Variants in SYT2 observed in about 807,000 individuals in gnomAD.
SYT2 encodes synaptotagmin 2.
In SYT2, 15 loss-of-function variants were observed where a neutral mutation model predicts 39.9. The observed-to-expected ratio is 0.38, with a 90% CI of 0.25 to 0.58. The LOEUF is 0.58. Among genes scored for constraint, SYT2 ranks in the 20% least tolerant of loss-of-function variants. The pLI is 0.70. For missense variants in SYT2, 389 were observed against 530.3 expected, an observed-to-expected ratio of 0.73 and a Z score of 2.62; for synonymous variants, 181 against 204.5, an observed-to-expected ratio of 0.89 and a Z score of 0.98.
intron 4 of SYT2, among the ~76,000 whole-genome samples, 194 bp downstream of exon 4, chr1:202,602,805 C>G (rs1690558366): frequency 6.6e-6 from 1 of 152,154 alleles, no homozygotes. Flanking sequence ...AACTTGGAAC[C>G]TTCCCCAAAG....
At chr1:202,670,709 T>C (rs2149109067) in intron 1 of SYT2, among the ~76,000 whole-genome samples, 1 of 152,320 alleles carries the variant, frequency 6.6e-6, no homozygotes, top group African/African-American at 2.4e-5. Flanking sequence ...CTTAGGCCTC[T>C]CCACACCTAA....
At chr1:202,630,100 T>C (rs1000814389) in intron 1 of SYT2, among the ~76,000 whole-genome samples, 2 of 151,950 alleles carry the variant, frequency 1.3e-5, no homozygotes, top group African/African-American at 4.8e-5. Context: ...TCCATGGCAA[T>C]AGAGCAGTTA....
At chr1:202,706,838 G>A (rs1654265227) in intron 1 of SYT2, among the ~76,000 whole-genome samples, 1 of 152,298 alleles carries the variant, frequency 6.6e-6, no homozygotes, top group Non-Finnish European at 1.5e-5. Context: ...CTGTCTGGTG[G>A]TCCAGGGGCT....
chr1:202,697,386 G>A (rs1653999241), intron 1 of SYT2, among the ~76,000 whole-genome samples: 1 of 152,256 alleles, frequency 6.6e-6, no homozygotes, highest in Admixed American at 6.5e-5. Context: ...ATGTGAGAGG[G>A]AGGCACCTCT....
In SYT2 at chr1:202,670,792, T is replaced by A. The variant is rs575620385; in HGVS notation, c.-18+39466A>T. On this transcript the variant is annotated intron_variant, in intron 1 of 8. Transcript: ENST00000367268. ...TGCAGCCTTGGGTCATTGCTCTGTA[T>A]TAAAATTCATCTTTTGTTTGTCCCA... Among the ~76,000 whole-genome samples, 4 of 152,372 alleles carry A rather than the reference T, an allele frequency of 2.6e-5. No homozygotes were observed. In the South Asian group the frequency reaches 8.3e-4, roughly 32 times the overall value.
At chr1:202,655,485 C>T (rs1372093348) in intron 1 of SYT2, among the ~76,000 whole-genome samples, 1 of 152,134 alleles carries the variant, frequency 6.6e-6, no homozygotes, top group Admixed American at 6.5e-5. Flanking sequence ...CAAGGGGACA[C>T]TACCATTAAT....
At chr1:202,644,403 C>A (rs1361044537) in intron 1 of SYT2, among the ~76,000 whole-genome samples, 2 of 152,178 alleles carry the variant, frequency 1.3e-5, no homozygotes, top group Non-Finnish European at 2.9e-5. Context: ...CAGGGAGGAC[C>A]GAGAGCCTGG....
chr1:202,609,418 T>G (rs554597109), intron 1 of SYT2, among the ~76,000 whole-genome samples: 6 of 152,336 alleles, frequency 3.9e-5, no homozygotes, highest in Non-Finnish European at 5.9e-5. Flanking sequence ...GTAATGGGAT[T>G]GCTGGATCAA....
At chr1:202,672,329 C>A (rs926339763) in intron 1 of SYT2, among the ~76,000 whole-genome samples, 1 of 152,130 alleles carries the variant, frequency 6.6e-6, no homozygotes, top group African/African-American at 2.4e-5. Flanking sequence ...TTAGATGAGG[C>A]CATGAAATGG....
Position 202,614,666 on chromosome 1 carries a change from T to C in SYT2, c.-17-8877A>G, listed in dbSNP as rs1690981285. Among the ~76,000 whole-genome samples, 3 of 152,138 alleles carry C rather than the reference T, an allele frequency of 2.0e-5. No individual in the cohort carries two copies. The highest frequency in any genetic ancestry group is 7.2e-5 in the African/African-American group (3 of 41,408). Reference sequence around the variant, plus strand: ...AAAGCAAAAGTGCTTTCTTGAAAAATTGATGATTGAACTGAGACCTGAAGG... The same window carrying C: ...AAAGCAAAAGTGCTTTCTTGAAAAACTGATGATTGAACTGAGACCTGAAGG... On this transcript the variant is annotated intron_variant, in intron 1 of 8. Transcript: ENST00000367268. This position sits in a 1 kb window ranked among gnomAD's most constrained non-coding sequence, Gnocchi z 4.0.
intron 1 of SYT2, among the ~76,000 whole-genome samples, chr1:202,653,725 A>G (rs556505036): frequency 1.3e-5 from 2 of 152,272 alleles, no homozygotes; most frequent in South Asian, 4.1e-4. Context: ...ATGCTTCTCT[A>G]GGGGAGCTAT....
intron 1 of SYT2, among the ~76,000 whole-genome samples, chr1:202,615,548 A>G (rs1691010569): frequency 6.6e-6 from 1 of 151,888 alleles, no homozygotes; most frequent in Admixed American, 6.5e-5. Flanking sequence ...ACTCCCCTCC[A>G]CTCAGCCTGA....
intron 1 of SYT2, among the ~76,000 whole-genome samples, chr1:202,626,725 C>A (rs1691428033): frequency 6.6e-6 from 1 of 152,116 alleles, no homozygotes; most frequent in Non-Finnish European, 1.5e-5. Flanking sequence ...AGTTCTACCT[C>A]TGAAGGCAAG....
chr1:202,613,323 C>T (rs772054375), intron 1 of SYT2, among the ~76,000 whole-genome samples: 5 of 152,032 alleles, frequency 3.3e-5, no homozygotes, highest in South Asian at 2.1e-4. Flanking sequence ...TCAGGTGATC[C>T]GCCTGCCTCC....
intron 1 of SYT2, among the ~76,000 whole-genome samples, chr1:202,684,849 C>T (rs1572678347): frequency 6.6e-6 from 1 of 152,340 alleles, no homozygotes; most frequent in South Asian, 2.1e-4. Context: ...TGATCCATCT[C>T]TAACTCACTG....
At chr1:202,693,539 A>G (rs998200781) in intron 1 of SYT2, among the ~76,000 whole-genome samples, 24 of 152,232 alleles carry the variant, frequency 1.6e-4, no homozygotes, top group African/African-American at 5.8e-4. Flanking sequence ...TCTAAGAAGG[A>G]AGCCACTGGA....
rs1691253008 is a variant in SYT2 at position 202,623,251 on chromosome 1, G to C, written c.-17-17462C>G. Among the ~76,000 whole-genome samples, 1 of 152,222 alleles carries C rather than the reference G, an allele frequency of 6.6e-6. No individual in the cohort carries two copies. Among genetic ancestry groups the C allele is most frequent in the Non-Finnish European group, 1.5e-5 (1 of 68,028 alleles). On this transcript the variant is annotated intron_variant, in intron 1 of 8. Coordinates refer to ENST00000367268, the MANE Select transcript of SYT2 (RefSeq NM_177402.5). This position sits in a 1 kb window ranked among gnomAD's most constrained non-coding sequence, Gnocchi z 4.2. ...GCTGGAGTCCAGGCTCCCTGGAGAG[G>C]GAGTTAATACTGCAGCACGGCGCAC...
In SYT2 at chr1:202,599,210, T is replaced by C. The variant is rs747041528; in HGVS notation, c.1053+8A>G. The C allele has an allele frequency of 1.9e-6, 3 of 1,613,100 alleles. No homozygotes were observed. The highest frequency in any genetic ancestry group is 3.3e-5 in the Admixed American group (2 of 59,840). On this transcript the variant is annotated splice_region_variant and intron_variant, in intron 8 of 8. Transcript: ENST00000367268. The surrounding 1 kb of genome is among the most constrained non-coding windows in gnomAD (Gnocchi z 4.4). ...TGCTCCATGCCTAGGAACCCAGGGC[T>C]CCAGCACCTGAATCTGCTCGAAGGG...
rs1690515734 is a variant in SYT2, at chr1:202,601,888, ACCT to A, written c.800_801+1del. The A allele has an allele frequency of 6.2e-7, 1 of 1,613,226 alleles. No individual in the cohort carries two copies. The highest frequency in any genetic ancestry group is 1.1e-5 in the South Asian group (1 of 91,004). On this transcript the variant is annotated splice_donor_variant and coding_sequence_variant, in exon 6 of 9. Coordinates refer to ENST00000367268, the MANE Select transcript of SYT2 (RefSeq NM_177402.5). LOFTEE classifies it high-confidence loss of function. The surrounding 1 kb of genome is among the most constrained non-coding windows in gnomAD (Gnocchi z 4.0). ...CCAACCTGGCCTCATCTCTGCTCTT[ACCT>A]CCTCCTTTTCCCCGCCTTGCAGGTC...
Sources: gnomAD v4.1 joint callset for allele counts (sites outside exome capture counted in the v4.1 genomes callset) on GRCh38, gnomAD v4.1.1 for gene constraint, Gnocchi (gnomAD v3.1) non-coding constraint, MANE v1.5 for transcripts, NCBI Gene and HGNC (gene_info 2026-07-23, HGNC 2026-07-21) for gene names.